The following TMX4 variants were observed in gnomAD, a reference collection of about 807,000 sequenced individuals.
TMX4 encodes thioredoxin-related transmembrane protein 4.
Under a neutral mutation model 33.3 loss-of-function variants are expected in TMX4, and 23 were observed. The ratio of observed to expected loss-of-function variants is 0.69; its 90% CI spans 0.50 to 0.98. The LOEUF (loss-of-function observed/expected upper bound fraction) is 0.98. Ranked by LOEUF, TMX4 falls within the 50% of genes least tolerant of loss-of-function variation. The probability of loss-of-function intolerance (pLI) is 0.00; values close to 1 mark genes in which losing one functional copy is unlikely to be tolerated. For synonymous variants in TMX4, 164 were observed against 161.5 expected, an observed-to-expected ratio of 1.02 and a Z score of -0.12; for missense variants, 399 against 448.9, an observed-to-expected ratio of 0.89 and a Z score of 1.01.
At chr20:7,997,021 G>C (rs1177236673) in intron 4 of TMX4, among the ~76,000 whole-genome samples, 1 of 152,078 alleles carries the variant, frequency 6.6e-6, no homozygotes, top group African/African-American at 2.4e-5. Flanking sequence ...TCGCCTCTTA[G>C]TAACATGGGA....
rs563509593 is a variant in TMX4, at chr20:7,978,619, T to C, written c.*3632A>G. On this transcript the variant is annotated 3_prime_UTR_variant, in exon 8 of 8. Coordinates refer to ENST00000246024, the MANE Select transcript of TMX4 (RefSeq NM_021156.4). ...GCTTATCTATTTTCTACTACAGTAG[T>C]TATTTTGAATGTATAGAGCTAAAGA... is the stretch of plus-strand genomic sequence containing the variant. 6.6e-6 allele frequency: 1 copy of C among 152,204 alleles called. No homozygotes were observed. The highest frequency in any genetic ancestry group is 1.5e-5 in the Non-Finnish European group (1 of 68,036). The allele number at this position is 152,204 out of a possible 1,614,324, so 9.4% of individuals were successfully genotyped here.
At chr20:8,005,448 T>G (rs6133523) in intron 2 of TMX4, among the ~76,000 whole-genome samples, 38,404 of 152,058 alleles carry the variant, frequency 0.25, 9,218 homozygotes, top group African/African-American at 0.6. Flanking sequence ...TTGATGACAT[T>G]GGAGATGGGC....
chr20:8,012,765 C>T (rs1331311661), intron 1 of TMX4, among the ~76,000 whole-genome samples: 3 of 152,134 alleles, frequency 2.0e-5, no homozygotes, highest in Admixed American at 6.5e-5. Context: ...TTTGGTGAAA[C>T]TGACCTTCAG....
At chr20:7,999,592 T>C (rs886814997) in intron 4 of TMX4, 140 bp downstream of exon 4, 7 of 925,434 alleles carry the variant, frequency 7.6e-6, no homozygotes, top group Non-Finnish European at 1.1e-5. Context: ...AAATACTGCA[T>C]GGGCTAAGCA....
At chr20:7,997,469 A>G (rs142433559) in intron 4 of TMX4, among the ~76,000 whole-genome samples, 2,070 of 151,814 alleles carry the variant, frequency 0.014, 53 homozygotes, top group East Asian at 0.064. Flanking sequence ...CCACAATACC[A>G]GCCATTATCA....
intron 5 of TMX4, among the ~76,000 whole-genome samples, chr20:7,993,115 C>T (rs1156773037): frequency 6.6e-6 from 1 of 152,186 alleles, no homozygotes; most frequent in East Asian, 1.9e-4. Flanking sequence ...TCTATCTGTA[C>T]ATGTATCCAG....
At chr20:8,004,024 G>A (rs1372148766) in intron 2 of TMX4, among the ~76,000 whole-genome samples, 4 of 151,548 alleles carry the variant, frequency 2.6e-5, no homozygotes, top group African/African-American at 9.7e-5. Flanking sequence ...GATATATTCA[G>A]TAAAATCAAC....
intron 1 of TMX4, among the ~76,000 whole-genome samples, chr20:8,015,255 A>G (rs1455342796): frequency 7.9e-5 from 12 of 152,222 alleles, no homozygotes; most frequent in African/African-American, 2.9e-4. Flanking sequence ...TTAAATACCC[A>G]TAACAGTATC....
chr20:7,995,375 CA>C (rs2122862460), intron 5 of TMX4, among the ~76,000 whole-genome samples: 1 of 152,294 alleles, frequency 6.6e-6, no homozygotes, highest in Non-Finnish European at 1.5e-5. Context: ...GGGACATACT[CA>C]ACATTATATA....
chr20:7,990,791 T>C (rs1312965099), intron 5 of TMX4, among the ~76,000 whole-genome samples: 2 of 152,164 alleles, frequency 1.3e-5, no homozygotes, highest in Non-Finnish European at 2.9e-5. Flanking sequence ...CCAAAATATC[T>C]TCCCTGCAAG....
chr20:7,995,864 G>A (rs751862320), intron 5 of TMX4, among the ~76,000 whole-genome samples, 162 bp downstream of exon 5: 3 of 151,762 alleles, frequency 2.0e-5, no homozygotes, highest in Non-Finnish European at 2.9e-5. Context: ...TCTACATGAC[G>A]ACATTACCAC....
intron 2 of TMX4, among the ~76,000 whole-genome samples, chr20:8,008,208 TTATTTA>T (rs1184467324): frequency 1.3e-5 from 2 of 152,206 alleles, no homozygotes; most frequent in Middle Eastern, 6.3e-3. Flanking sequence ...CTCCTAATTT[TTATTTA>T]TGAGTTGCAC....
At position 7,978,757 on chromosome 20, in the gene TMX4, T is replaced by C. The variant is rs1382685899; in HGVS notation, c.*3494A>G. On this transcript the variant is annotated 3_prime_UTR_variant, in exon 8 of 8. Transcript: ENST00000246024. Reference sequence around the variant, plus strand: ...CCTGTCCCTCATCCCATCCAATGACTATACTTCAAAGGGAAAGAAAGATGT... The same window carrying C: ...CCTGTCCCTCATCCCATCCAATGACCATACTTCAAAGGGAAAGAAAGATGT... 6.6e-6 allele frequency: 1 copy of C among 152,190 alleles called. No homozygotes were observed. Among genetic ancestry groups the C allele is most frequent in the Admixed American group, 6.5e-5 (1 of 15,280 alleles). The allele number at this position is 152,190 out of a possible 1,614,324, so 9.4% of individuals were successfully genotyped here.
chr20:8,015,636 C>T (rs1023886189), intron 1 of TMX4, among the ~76,000 whole-genome samples: 3 of 152,174 alleles, frequency 2.0e-5, no homozygotes, highest in Non-Finnish European at 2.9e-5. Flanking sequence ...AGTTGTCTCT[C>T]AAACATTCCA....
At chr20:7,990,900 T>A (rs2050651466) in intron 5 of TMX4, among the ~76,000 whole-genome samples, 2 of 152,244 alleles carry the variant, frequency 1.3e-5, no homozygotes, top group Admixed American at 6.5e-5. Flanking sequence ...TGCAGCCTCT[T>A]GTAGGATCTA....
At chr20:7,990,827 T>C (rs965463442) in intron 5 of TMX4, among the ~76,000 whole-genome samples, 1 of 152,220 alleles carries the variant, frequency 6.6e-6, no homozygotes, top group African/African-American at 2.4e-5. Flanking sequence ...GACTCTTCAA[T>C]GATGGCCAAG....
intron 1 of TMX4, among the ~76,000 whole-genome samples, chr20:8,015,809 C>G (rs2050772591): frequency 6.6e-6 from 1 of 152,190 alleles, no homozygotes; most frequent in South Asian, 2.1e-4. Flanking sequence ...TTTGCTCCAT[C>G]ACCAGGTGTT....
rs1292925327 is a variant in TMX4, at chr20:8,006,183, C to CG, written c.292+4016dup. ...CATGTCCCCCTAGAGGTTTGAGCAG[C>CG]GGGCACAAAGAAGCAAGCCACACCC... On this transcript the variant is annotated intron_variant, in intron 2 of 7. Coordinates refer to ENST00000246024, the MANE Select transcript of TMX4 (RefSeq NM_021156.4). Among the ~76,000 whole-genome samples the CG allele has an allele frequency of 2.6e-5, 4 of 152,182 alleles. No homozygotes were observed. In the East Asian group the frequency reaches 7.8e-4, roughly 30 times the overall value.
At chr20:8,002,666 C>G (rs1482786642) in intron 2 of TMX4, among the ~76,000 whole-genome samples, 1 of 152,138 alleles carries the variant, frequency 6.6e-6, no homozygotes, top group African/African-American at 2.4e-5. Flanking sequence ...GCTCAAATCA[C>G]ACATCCCTGT....
Sources: gnomAD v4.1 joint callset for allele counts (sites outside exome capture counted in the v4.1 genomes callset) on GRCh38, gnomAD v4.1.1 for gene constraint, MANE v1.5 for transcripts, NCBI Gene and HGNC (gene_info 2026-07-23, HGNC 2026-07-21) for gene names.